The following MED12L variants were observed in gnomAD, a reference collection of about 807,000 sequenced individuals.
MED12L encodes the protein mediator complex subunit 12L.
In MED12L, 60 loss-of-function variants were observed where a neutral mutation model predicts 281.3. That is an observed-to-expected ratio of 0.21 (90% CI 0.17 to 0.26). The LOEUF is 0.26. Among genes scored for constraint, MED12L ranks in the 10% least tolerant of loss-of-function variants. The probability of loss-of-function intolerance (pLI) is 1.00; values close to 1 mark genes in which losing one functional copy is unlikely to be tolerated. For missense variants in MED12L, 2,146 were observed against 2,680.9 expected (o/e 0.80, Z 4.41); for synonymous variants, 974 against 987.2 (o/e 0.99, Z 0.25).
chr3:151,121,400 A>G lies in MED12L; in HGVS notation c.205-1383A>G, dbSNP rs75417476. 3.6e-3 allele frequency among the ~76,000 whole-genome samples: 548 copies of G among 152,352 alleles called. 3 individuals are homozygous for G. Among genetic ancestry groups the G allele is most frequent in the African/African-American group, 0.012 (518 of 41,588 alleles). ...AACCAGACTTCATGGCATTACATCAATCACAAAGATCAAAGAATGTCAGGC... is the reference window on the plus strand; with the variant it reads ...AACCAGACTTCATGGCATTACATCAGTCACAAAGATCAAAGAATGTCAGGC... On this transcript the variant is annotated intron_variant, in intron 3 of 44. Transcript: ENST00000687756.
At chr3:151,246,863 C>CCTA (rs1344888584) in intron 16 of MED12L, among the ~76,000 whole-genome samples, 1 of 152,112 alleles carries the variant, frequency 6.6e-6, no homozygotes, top group African/African-American at 2.4e-5. Context: ...CTTTTCGCAA[C>CCTA]CTACTCATCT....
chr3:151,251,505 G>A (rs73157938), intron 16 of MED12L, among the ~76,000 whole-genome samples: 16,708 of 152,036 alleles, frequency 0.11, 1,231 homozygotes, highest in Middle Eastern at 0.17. Flanking sequence ...CCACTCACCC[G>A]TGAGAGGAAT....
chr3:151,220,252 T>G (rs912696922), intron 16 of MED12L, among the ~76,000 whole-genome samples: 2 of 151,770 alleles, frequency 1.3e-5, no homozygotes, highest in African/African-American at 4.8e-5. Context: ...GTGTGGACTT[T>G]GCAGAGATAA....
intron 2 of MED12L, among the ~76,000 whole-genome samples, chr3:151,106,237 C>T (rs1433823632): frequency 6.7e-6 from 1 of 148,942 alleles, no homozygotes; most frequent in Non-Finnish European, 1.5e-5. Context: ...TCCTTCCTTC[C>T]TTTCCTTTCC....
At chr3:151,334,964 C>G (rs769081911) in intron 16 of MED12L, among the ~76,000 whole-genome samples, 2 of 152,078 alleles carry the variant, frequency 1.3e-5, no homozygotes, top group Non-Finnish European at 2.9e-5. Context: ...CATTGAAATT[C>G]AAATTTCATA....
At chr3:151,287,724 G>A (rs540167082) in intron 16 of MED12L, among the ~76,000 whole-genome samples, 1 of 152,244 alleles carries the variant, frequency 6.6e-6, no homozygotes, top group East Asian at 1.9e-4. Flanking sequence ...AAAAAGTAAA[G>A]CATGTAGGAC....
At chr3:151,417,346 A>T (rs1416840147) in intron 43 of MED12L, among the ~76,000 whole-genome samples, 1 of 152,164 alleles carries the variant, frequency 6.6e-6, no homozygotes, top group African/African-American at 2.4e-5. Context: ...ATGTGGAGGG[A>T]TCAGAGTAGA....
At chr3:151,200,757 C>A (rs996447831) in intron 16 of MED12L, among the ~76,000 whole-genome samples, 1 of 152,222 alleles carries the variant, frequency 6.6e-6, no homozygotes, top group Admixed American at 6.5e-5. Context: ...TTACCAAACT[C>A]GATGAAAATA....
At chr3:151,144,424 T>C (rs1005428872) in intron 5 of MED12L, among the ~76,000 whole-genome samples, 1 of 152,196 alleles carries the variant, frequency 6.6e-6, no homozygotes, top group African/African-American at 2.4e-5. Flanking sequence ...GGAAGAAAGA[T>C]GCAGTCGGGA....
intron 16 of MED12L, among the ~76,000 whole-genome samples, chr3:151,322,048 CTGTT>C (rs1202494018): frequency 6.6e-6 from 1 of 152,194 alleles, no homozygotes; most frequent in African/African-American, 2.4e-5. Flanking sequence ...TTGCACCCAA[CTGTT>C]TGATTTGTAC....
chr3:151,427,607 T>C (rs1719017590), intron 43 of MED12L, among the ~76,000 whole-genome samples: 1 of 152,254 alleles, frequency 6.6e-6, no homozygotes, highest in South Asian at 2.1e-4. Flanking sequence ...TTGTACACCA[T>C]GTACCCCAAT....
At chr3:151,155,747 G>A (rs557120477) in intron 5 of MED12L, among the ~76,000 whole-genome samples, 2 of 152,288 alleles carry the variant, frequency 1.3e-5, no homozygotes, top group East Asian at 3.9e-4. Flanking sequence ...TTCTTTTGCT[G>A]TGGAATTTGA....
At chr3:151,189,201 G>A (rs1181832923) in intron 13 of MED12L, among the ~76,000 whole-genome samples, 1 of 152,172 alleles carries the variant, frequency 6.6e-6, no homozygotes, top group Admixed American at 6.5e-5. Context: ...AAGAGGTAAA[G>A]CAACAACAAA....
chr3:151,424,325 A>G (rs1718607207), intron 43 of MED12L, among the ~76,000 whole-genome samples: 1 of 152,236 alleles, frequency 6.6e-6, no homozygotes, highest in African/African-American at 2.4e-5. Flanking sequence ...AACTGTGTAC[A>G]GATTAGATGA....
chr3:151,095,681 A>G (rs1397596149), intron 2 of MED12L, among the ~76,000 whole-genome samples: 1 of 152,190 alleles, frequency 6.6e-6, no homozygotes, highest in Admixed American at 6.5e-5. Context: ...GGCTACTTCA[A>G]CATGATTATT....
In MED12L at chr3:151,353,946, C is replaced by T. The variant is rs945442685; in HGVS notation, c.2399-1175C>T. On this transcript the variant is annotated intron_variant, in intron 17 of 44. Coordinates refer to ENST00000687756, the MANE Select transcript of MED12L (RefSeq NM_001393769.1). ...CACGAGGTCAGGAGATCGAGACCATCCCGGCTAACACGGTGAAACCCCGTC... is the reference window on the plus strand; with the variant it reads ...CACGAGGTCAGGAGATCGAGACCATTCCGGCTAACACGGTGAAACCCCGTC... Among the ~76,000 whole-genome samples the T allele has an allele frequency of 2.8e-4, 43 of 151,606 alleles. 1 individual carries two copies. The highest frequency in any genetic ancestry group is 2.1e-4 in the South Asian group (1 of 4,788).
At chr3:151,242,224 A>C (rs1305049453) in intron 16 of MED12L, among the ~76,000 whole-genome samples, 86 of 152,370 alleles carry the variant, frequency 5.6e-4, no homozygotes, top group East Asian at 4.8e-3. Context: ...CCCAGGCTTG[A>C]TTAGGTAAAC....
At chr3:151,291,075 C>T (rs1226710787) in intron 16 of MED12L, among the ~76,000 whole-genome samples, 1 of 149,786 alleles carries the variant, frequency 6.7e-6, no homozygotes. Context: ...TAATTGGCTT[C>T]TTGTGGTGCT....
At position 151,227,866 on chromosome 3, in the gene MED12L, G is replaced by GT. The variant is rs1436337262; in HGVS notation, c.2250+34201dup. Among the ~76,000 whole-genome samples, 4 of 152,272 alleles carry GT rather than the reference G, an allele frequency of 2.6e-5. No homozygotes were observed. In the South Asian group the frequency reaches 8.3e-4, roughly 32 times the overall value. On this transcript the variant is annotated intron_variant, in intron 16 of 44. Coordinates refer to ENST00000687756, the MANE Select transcript of MED12L (RefSeq NM_001393769.1). ...GTTCTTTGTGGGTAGGCTGTCTTGTGTATTGTTGGGTGTTTAGCCGCATCC... is the reference window on the plus strand; with the variant it reads ...GTTCTTTGTGGGTAGGCTGTCTTGTGTTATTGTTGGGTGTTTAGCCGCATCC...
Sources: allele counts gnomAD v4.1 joint callset (sites outside exome capture counted in the v4.1 genomes callset), GRCh38; gene constraint gnomAD v4.1.1; transcripts MANE v1.5; gene names NCBI Gene and HGNC (gene_info 2026-07-23, HGNC 2026-07-21).